GALM: variants seen among roughly 807,000 people sequenced by gnomAD.
GALM encodes the protein galactose mutarotase, also known as aldose 1-epimerase.
In GALM, 43 loss-of-function variants were observed where a neutral mutation model predicts 37.4. That is an observed-to-expected ratio of 1.15 (90% CI 0.90 to 1.48). The LOEUF is 1.48. Among genes scored for constraint, GALM ranks in the 40% most tolerant of loss-of-function variants. GALM has a pLI of 0.00. For missense variants in GALM, 456 were observed against 419.1 expected, an observed-to-expected ratio of 1.09 and a Z score of -0.77; for synonymous variants, 199 against 170.6, an observed-to-expected ratio of 1.17 and a Z score of -1.30.
chr2:38,691,180 G>A (rs1665664415), intron 4 of GALM, among the ~76,000 whole-genome samples: 1 of 152,162 alleles, frequency 6.6e-6, no homozygotes, highest in South Asian at 2.1e-4. Context: ...GCTTATAAGT[G>A]GAGGTTATGA....
chr2:38,673,147 C>T (rs1187086932), intron 1 of GALM, among the ~76,000 whole-genome samples: 1 of 152,162 alleles, frequency 6.6e-6, no homozygotes, highest in Non-Finnish European at 1.5e-5. Context: ...TGTACCCAAC[C>T]AGTTGGGTAA....
chr2:38,725,730 G>GTTTT (rs984887033), intron 4 of GALM, among the ~76,000 whole-genome samples: 4 of 151,224 alleles, frequency 2.6e-5, no homozygotes, highest in African/African-American at 9.7e-5. Flanking sequence ...GTTTTGTTTT[G>GTTTT]TTTTTTTGAG....
At chr2:38,697,569 A>G (rs1212480999) in intron 4 of GALM, among the ~76,000 whole-genome samples, 5 of 152,192 alleles carry the variant, frequency 3.3e-5, no homozygotes, top group Non-Finnish European at 2.9e-5. Context: ...CACTCGGTAA[A>G]TAATTTTTCA....
intron 4 of GALM, among the ~76,000 whole-genome samples, chr2:38,719,411 G>A (rs552821010): frequency 6.7e-6 from 1 of 149,902 alleles, no homozygotes; most frequent in South Asian, 2.2e-4. Flanking sequence ...GGAGGTTGCA[G>A]TGGGCCGAGA....
chr2:38,692,800 A>G (rs1266947323), intron 4 of GALM, among the ~76,000 whole-genome samples: 1 of 152,186 alleles, frequency 6.6e-6, no homozygotes, highest in African/African-American at 2.4e-5. Context: ...GAGTTAAATA[A>G]AACCTGGAAG....
chr2:38,672,196 C>A (rs927467540), intron 1 of GALM, among the ~76,000 whole-genome samples: 1 of 152,218 alleles, frequency 6.6e-6, no homozygotes, highest in African/African-American at 2.4e-5. Flanking sequence ...TGGTTGTCTC[C>A]AACACCCAGT....
intron 4 of GALM, among the ~76,000 whole-genome samples, chr2:38,728,536 A>C (rs1399074482): frequency 6.6e-6 from 1 of 151,984 alleles, no homozygotes; most frequent in East Asian, 1.9e-4. Flanking sequence ...TCTACTAAAA[A>C]TACAAAAGCA....
At chr2:38,718,904 C>G (rs1193614713) in intron 4 of GALM, among the ~76,000 whole-genome samples, 2 of 151,962 alleles carry the variant, frequency 1.3e-5, no homozygotes, top group South Asian at 2.1e-4. Flanking sequence ...AAAATTCATC[C>G]GGGTGAGAGA....
Position 38,681,392 on chromosome 2 carries a change from A to G in GALM, c.458A>G (p.Asp153Gly). 6.2e-7 allele frequency: 1 copy of G among 1,614,096 alleles called. No individual in the cohort carries two copies. The highest frequency in any genetic ancestry group is 2.2e-5 in the East Asian group (1 of 44,882). Residue 153 changes from aspartate to glycine, a missense_variant, in exon 3 of 7, where the codon GAT (aspartate) becomes GGT (glycine). Transcript: ENST00000272252. ...AAAGTCTGGGTGACATACACCCTGGATGGCGGAGAGCTCATAGTCAACTAC... is the reference window on the plus strand; with the variant it reads ...AAAGTCTGGGTGACATACACCCTGGGTGGCGGAGAGCTCATAGTCAACTAC... ...ELKVWVTYTL[D>G]GGELIVNYRA... is the part of the protein sequence containing the mutation.
chr2:38,727,833 GTTTTAAATGACTGGCAATTGGTTCTTCTT>G (rs1666518752), intron 4 of GALM, among the ~76,000 whole-genome samples: 1 of 151,996 alleles, frequency 6.6e-6, no homozygotes, highest in South Asian at 2.1e-4. Context: ...AGAACCAAAT[GTTTTAAATGACTGGCAATTGGTTCTTCTT>G]TTACTTTTTA....
intron 4 of GALM, among the ~76,000 whole-genome samples, chr2:38,719,774 CAAAA>C (rs34403810): frequency 1.7e-5 from 2 of 118,530 alleles, no homozygotes. Flanking sequence ...AATTCTGTCT[CAAAA>C]AAAAAAAAAA....
At chr2:38,703,094 T>TATATATATA (rs1558588767) in intron 4 of GALM, among the ~76,000 whole-genome samples, 3 of 8,108 alleles carry the variant, frequency 3.7e-4, no homozygotes, top group Non-Finnish European at 5.8e-4. Context: ...ATATATATAT[T>TATATATATA]TTTTTTTTTT....
chr2:38,681,545 G>A, intron 3 of GALM, 59 bp downstream of exon 3: 2 of 1,404,606 alleles, frequency 1.4e-6, no homozygotes, highest in African/African-American at 1.4e-5. Flanking sequence ...CTGGGCTGTG[G>A]CTAGAGAGAT....
At chr2:38,714,063 T>C (rs1211391884) in intron 4 of GALM, among the ~76,000 whole-genome samples, 1 of 152,218 alleles carries the variant, frequency 6.6e-6, no homozygotes, top group Non-Finnish European at 1.5e-5. Flanking sequence ...TCCTGGCATT[T>C]AGTAAGAGCT....
intron 4 of GALM, among the ~76,000 whole-genome samples, chr2:38,707,031 G>A (rs1196787688): frequency 6.6e-6 from 1 of 151,638 alleles, no homozygotes; most frequent in Non-Finnish European, 1.5e-5. Flanking sequence ...GCTGTGTGAT[G>A]ACCCCGGGAC....
At chr2:38,728,010 G>A (rs2148458698) in intron 4 of GALM, among the ~76,000 whole-genome samples, 1 of 152,188 alleles carries the variant, frequency 6.6e-6, no homozygotes, top group Middle Eastern at 3.4e-3. Flanking sequence ...CACATGAAAG[G>A]GAAAAATAAT....
chr2:38,723,677 G>A (rs1666427062), intron 4 of GALM, among the ~76,000 whole-genome samples: 1 of 152,044 alleles, frequency 6.6e-6, no homozygotes, highest in African/African-American at 2.4e-5. Context: ...AGTAGTCACA[G>A]CTACTCGGGA....
At chr2:38,685,778 C>T (rs962639073) in intron 3 of GALM, among the ~76,000 whole-genome samples, 5 of 151,892 alleles carry the variant, frequency 3.3e-5, no homozygotes, top group South Asian at 4.2e-4. Flanking sequence ...AGTGCAGTGG[C>T]GCAATCTCGG....
intron 2 of GALM, chr2:38,680,017 A>G (rs1248140710): frequency 4.4e-6 from 2 of 454,516 alleles, no homozygotes; most frequent in Non-Finnish European, 8.8e-6. Context: ...CCTTTTATTT[A>G]TTTATTTACT....
Sources: gnomAD v4.1 joint callset for allele counts (sites outside exome capture counted in the v4.1 genomes callset) on GRCh38, gnomAD v4.1.1 for gene constraint, MANE v1.5 for transcripts, NCBI Gene and HGNC (gene_info 2026-07-23, HGNC 2026-07-21) for gene names.